Variants in SBF2 observed in about 807,000 individuals in gnomAD.
SBF2 encodes the protein SET binding factor 2, also known as myotubularin-related protein 13.
SBF2 carries 112 observed loss-of-function variants against 225.2 expected under a neutral mutation model. The observed-to-expected ratio is 0.50, with a 90% confidence interval of 0.43 to 0.58. The LOEUF (loss-of-function observed/expected upper bound fraction) is 0.58, where lower values mean the gene tolerates loss of function less well. SBF2 is among the 20% of genes least tolerant of loss of function. The pLI, the probability that SBF2 is intolerant of heterozygous loss-of-function variation, is 0.00. For missense variants in SBF2, 1,996 were observed against 2,206.2 expected (o/e 0.90, Z 1.91); for synonymous variants, 763 against 773.3 (o/e 0.99, Z 0.22).
intron 1 of SBF2, among the ~76,000 whole-genome samples, chr11:10,231,870 T>C (rs1235733777): frequency 2.0e-4 from 30 of 152,226 alleles, no homozygotes; most frequent in Admixed American, 2.0e-3. Context: ...CAGAGGTTAC[T>C]GCTGCCTTTT....
chr11:9,831,442 G>A (rs1855394089), intron 27 of SBF2, among the ~76,000 whole-genome samples: 1 of 152,206 alleles, frequency 6.6e-6, no homozygotes, highest in Non-Finnish European at 1.5e-5. Context: ...TCAACCTAAT[G>A]ATCAAAACAT....
chr11:9,857,432 A>G (rs1454413561), intron 18 of SBF2, among the ~76,000 whole-genome samples: 1 of 152,108 alleles, frequency 6.6e-6, no homozygotes, highest in East Asian at 1.9e-4. Flanking sequence ...GATCAAAAGC[A>G]CCCCCGAAGC....
chr11:9,799,891 T>A (rs1853380977), intron 32 of SBF2, among the ~76,000 whole-genome samples: 1 of 152,246 alleles, frequency 6.6e-6, no homozygotes, highest in Non-Finnish European at 1.5e-5. Flanking sequence ...ACTTTTCATG[T>A]GCTTATTTGC....
intron 6 of SBF2, among the ~76,000 whole-genome samples, chr11:10,023,306 T>C (rs1025926630): frequency 5.9e-5 from 9 of 152,212 alleles, no homozygotes; most frequent in Non-Finnish European, 1.3e-4. Context: ...TTCTATCATC[T>C]TAGATCAGTT....
intron 12 of SBF2, 136 bp from the exon 13 acceptor site, chr11:9,989,731 T>C: frequency 1.6e-6 from 1 of 619,696 alleles, no homozygotes; most frequent in Non-Finnish European, 2.8e-6. Flanking sequence ...TTTCAGGTTT[T>C]GGGGTTTCAC....
At chr11:9,824,089 G>A (rs1367244391) in intron 28 of SBF2, among the ~76,000 whole-genome samples, 2 of 152,204 alleles carry the variant, frequency 1.3e-5, no homozygotes, top group African/African-American at 4.8e-5. Flanking sequence ...TATGCACATA[G>A]TGGTCATAAG....
At chr11:9,961,610 T>G (rs1163392320) in intron 16 of SBF2, 4 of 171,442 alleles carry the variant, frequency 2.3e-5, no homozygotes, top group African/African-American at 9.5e-5. Flanking sequence ...TGTCCTCTGC[T>G]TGGACAACTG....
chr11:9,797,567 C>G (rs183157591), intron 32 of SBF2, among the ~76,000 whole-genome samples: 2 of 152,310 alleles, frequency 1.3e-5, no homozygotes, highest in Non-Finnish European at 2.9e-5. Flanking sequence ...GTGCCATACT[C>G]CAGGTTTGTA....
At chr11:10,066,790 G>C (rs1031862341) in intron 2 of SBF2, among the ~76,000 whole-genome samples, 1 of 152,078 alleles carries the variant, frequency 6.6e-6, no homozygotes, top group South Asian at 2.1e-4. Flanking sequence ...GCAAAAAAAA[G>C]GAAGGAACCC....
intron 1 of SBF2, among the ~76,000 whole-genome samples, chr11:10,228,395 G>A (rs1294838026): frequency 6.6e-6 from 1 of 152,110 alleles, no homozygotes; most frequent in East Asian, 1.9e-4. Context: ...TCCCTGTCTT[G>A]TGCCAGTTTT....
intron 7 of SBF2, among the ~76,000 whole-genome samples, chr11:10,001,955 T>C (rs1947980282): frequency 6.6e-6 from 1 of 152,210 alleles, no homozygotes; most frequent in Non-Finnish European, 1.5e-5. Context: ...GTTACAGCAC[T>C]ATTAGTCATC....
chr11:10,205,945 T>A (rs1206221349), intron 1 of SBF2, among the ~76,000 whole-genome samples: 1 of 151,614 alleles, frequency 6.6e-6, no homozygotes, highest in Non-Finnish European at 1.5e-5. Context: ...CCCTCCCCAA[T>A]CCAGAAACAC....
At chr11:10,120,353 C>T (rs1013583642) in intron 2 of SBF2, among the ~76,000 whole-genome samples, 5 of 152,184 alleles carry the variant, frequency 3.3e-5, no homozygotes, top group Non-Finnish European at 7.3e-5. Flanking sequence ...GTTGCTTCTA[C>T]TTCTTGGCTG....
intron 1 of SBF2, among the ~76,000 whole-genome samples, chr11:10,255,037 A>G (rs1300811491): frequency 1.3e-5 from 2 of 152,056 alleles, no homozygotes; most frequent in African/African-American, 2.4e-5. Flanking sequence ...GGAATCTTAA[A>G]AAACTGAAAC....
intron 2 of SBF2, among the ~76,000 whole-genome samples, chr11:10,078,638 G>T (rs1027939047): frequency 1.3e-5 from 2 of 152,044 alleles, no homozygotes; most frequent in Non-Finnish European, 2.9e-5. Context: ...GGGGGTTTGG[G>T]GGCTGGGGGA....
chr11:10,137,136 C>T (rs1215573615), intron 2 of SBF2, among the ~76,000 whole-genome samples: 1 of 152,176 alleles, frequency 6.6e-6, no homozygotes, highest in East Asian at 1.9e-4. Context: ...TGGATTTACA[C>T]CTAAATACAT....
chr11:10,119,899 C>T (rs563262322), intron 2 of SBF2, among the ~76,000 whole-genome samples: 6 of 152,146 alleles, frequency 3.9e-5, no homozygotes, highest in Admixed American at 3.9e-4. Flanking sequence ...ATCAGAATAT[C>T]TTGGCAGTCG....
intron 7 of SBF2, 34 bp from the exon 8 acceptor site, chr11:10,001,056 TTTC>T: frequency 8.8e-7 from 1 of 1,132,920 alleles, no homozygotes; most frequent in Non-Finnish European, 1.3e-6. Flanking sequence ...CAAATATATT[TTTC>T]TTTAACATAA....
At chr11:9,898,343 C>T (rs1861436212) in intron 16 of SBF2, among the ~76,000 whole-genome samples, 1 of 151,356 alleles carries the variant, frequency 6.6e-6, no homozygotes, top group Non-Finnish European at 1.5e-5. Context: ...TTAGAATTTA[C>T]TGCATGTTCT....
Sources: allele counts gnomAD v4.1 joint callset (sites outside exome capture counted in the v4.1 genomes callset), GRCh38; gene constraint gnomAD v4.1.1; transcripts MANE v1.5; gene names NCBI Gene and HGNC (gene_info 2026-07-23, HGNC 2026-07-21).